The following THAP3 variants were observed in gnomAD, a reference collection of about 807,000 sequenced individuals.
THAP3 encodes THAP domain-containing protein 3.
In THAP3, 12 loss-of-function variants were observed where a neutral mutation model predicts 17.7. The ratio of observed to expected loss-of-function variants is 0.68; its 90% CI spans 0.43 to 1.10. The LOEUF (loss-of-function observed/expected upper bound fraction) is 1.10. Ranked by LOEUF, THAP3 falls within the 50% of genes least tolerant of loss-of-function variation. The pLI, the probability that THAP3 is intolerant of heterozygous loss-of-function variation, is 0.00. For synonymous variants in THAP3, 133 were observed against 126.9 expected, an observed-to-expected ratio of 1.05 and a Z score of -0.32; for missense variants, 289 against 318.0, an observed-to-expected ratio of 0.91 and a Z score of 0.69.
chr1:6,627,352 C>T (rs1641493774), intron 2 of THAP3, among the ~76,000 whole-genome samples: 1 of 152,238 alleles, frequency 6.6e-6, no homozygotes, highest in South Asian at 2.1e-4. Context: ...TCAAATTTAA[C>T]TCCTGACATA....
chr1:6,632,390 G>C lies in THAP3; in HGVS notation c.334-1G>C. 1 of 1,613,594 alleles carries C rather than the reference G, an allele frequency of 6.2e-7. No individual in the cohort carries two copies. The highest frequency in any genetic ancestry group is 8.5e-7 in the Non-Finnish European group (1 of 1,179,928). On this transcript the variant is annotated splice_acceptor_variant, in intron 4 of 5. Coordinates refer to ENST00000054650, the MANE Select transcript of THAP3 (RefSeq NM_001195753.2). LOFTEE classifies it high-confidence loss of function. ...TGCAGACTTCACCCTGCCGTTCCCA[G>C]GTCCTCCCTGAGGCGGGGGCCGGAG...
chr1:6,634,185 T>C, downstream of THAP3: 1 of 1,192,340 alleles, frequency 8.4e-7, no homozygotes, highest in Non-Finnish European at 1.2e-6. Flanking sequence ...TCAGGAAAGG[T>C]TTATTGTGGT....
chr1:6,632,965 G>C lies in THAP3; in HGVS notation c.608G>C (p.Arg203Pro), dbSNP rs1388811902. The C allele has an allele frequency of 1.9e-6, 3 of 1,612,814 alleles. No individual in the cohort carries two copies. In the East Asian group the frequency reaches 6.7e-5, roughly 36 times the overall value. ...FLTLKENEKL[R>P]KRLQAQRLVM... ...ACTCTGAAGGAAAATGAAAAGCTCC[G>C]GAAGCGCTTGCAGGCCCAGAGGCTG... The change falls in exon 6 of 6, where the codon CGG (arginine) becomes CCG (proline). Residue 203 changes from arginine (R) to proline (P), a missense_variant. Arg to Pro is a moderately radical substitution (Grantham distance 103). Coordinates refer to ENST00000054650, the MANE Select transcript of THAP3 (RefSeq NM_001195753.2).
At chr1:6,630,571 C>T (rs1641582159) in intron 4 of THAP3, among the ~76,000 whole-genome samples, 1 of 152,044 alleles carries the variant, frequency 6.6e-6, no homozygotes, top group Admixed American at 6.6e-5. Context: ...GTGCCTGATT[C>T]CCTTTTTCTT....
intron 2 of THAP3, among the ~76,000 whole-genome samples, chr1:6,626,845 C>CA (rs1175114837): frequency 1.3e-5 from 2 of 152,184 alleles, no homozygotes; most frequent in Non-Finnish European, 2.9e-5. Context: ...GACTCCGTCT[C>CA]AAAAAACAAA....
intron 4 of THAP3, among the ~76,000 whole-genome samples, chr1:6,632,009 T>C (rs1235875806): frequency 6.8e-6 from 1 of 146,884 alleles, no homozygotes; most frequent in Non-Finnish European, 1.5e-5. Context: ...ATCATGCCAC[T>C]GCACTCCAGC....
At position 6,625,405 on chromosome 1, in the gene THAP3, G is replaced by A. The variant is rs569419400; in HGVS notation, c.74+113G>A. On this transcript the variant is annotated intron_variant, in intron 2 of 5. Coordinates refer to ENST00000054650, the MANE Select transcript of THAP3 (RefSeq NM_001195753.2). The stretch of plus-strand genomic sequence containing the variant: ...CCAAAGGCGTGCGGCCGCTGGGCCC[G>A]GGGACAGGCCGAGGTCCTGGGCCCA... The A allele has an allele frequency of 3.4e-5, 34 of 1,008,272 alleles. No individual in the cohort carries two copies. In the Admixed American group the frequency reaches 1.2e-3, roughly 37 times the overall value. The allele number at this position is 1,008,272 out of a possible 1,614,324, so 62.5% of individuals were successfully genotyped here. A position where few individuals can be genotyped will look rare whatever the true frequency, so the allele number is the denominator to read the frequency against.
chr1:6,633,931 C>T (rs567560976), downstream of THAP3: 88 of 1,217,272 alleles, frequency 7.2e-5, 1 homozygote, highest in South Asian at 1.1e-3. Context: ...AAAAAACTGA[C>T]TTCCTATTTT....
rs755454422 is a variant in THAP3 at position 6,625,230 on chromosome 1, G to C, written c.12G>C (p.Ser4=). 1.9e-6 allele frequency: 3 copies of C among 1,543,596 alleles called. No homozygotes were observed. Among genetic ancestry groups the C allele is most frequent in the East Asian group, 2.5e-5 (1 of 40,238 alleles). Residue 4 remains serine (S), a synonymous_variant, in exon 2 of 6, where the codon TCG becomes TCC. Transcript: ENST00000054650. ...AGGCCTGGCTCGAGATGCCGAAGTC[G>C]TGCGCGGCCCGGCAGTGCTGCAACC... The part of the protein sequence containing the change: MPK[S]CAARQCCNRY...
In THAP3 at chr1:6,629,307, C is replaced by T. The variant is rs150721577; in HGVS notation, c.267+616C>T. ...GGCGGGACAAGCCACAGGCCAGCAG[C>T]TCCCTGCATTGGTGGATTTATGGGG... is the stretch of plus-strand genomic sequence containing the variant. On this transcript the variant is annotated intron_variant, in intron 3 of 5. Transcript: ENST00000054650. Among the ~76,000 whole-genome samples, 3 of 152,310 alleles carry T rather than the reference C, an allele frequency of 2.0e-5. No individual in the cohort carries two copies. In the East Asian group the frequency reaches 5.8e-4, roughly 29 times the overall value.
intron 4 of THAP3, among the ~76,000 whole-genome samples, chr1:6,631,357 G>T (rs1401427375): frequency 6.6e-6 from 1 of 152,178 alleles, no homozygotes; most frequent in Admixed American, 6.5e-5. Flanking sequence ...GCCGGGCGAG[G>T]TGGCTCACGC....
At chr1:6,632,294 C>T (rs1286696195) in intron 4 of THAP3, 97 bp from the exon 5 acceptor site, 4 of 1,537,160 alleles carry the variant, frequency 2.6e-6, no homozygotes, top group Middle Eastern at 2.2e-4. Flanking sequence ...GGAGCTGGTC[C>T]CTGGCTGTTG....
chr1:6,632,227 A>AT, intron 4 of THAP3, 164 bp from the exon 5 acceptor site: 3 of 839,214 alleles, frequency 3.6e-6, no homozygotes, highest in Non-Finnish European at 3.6e-6. Context: ...AAAAAAAAAA[A>AT]GTTCAGTTCC....
chr1:6,629,117 T>G (rs1974075), intron 3 of THAP3, among the ~76,000 whole-genome samples: 103,111 of 152,064 alleles, frequency 0.68, 35,270 homozygotes, highest in Middle Eastern at 0.8. Flanking sequence ...CAGGAGAATC[T>G]CTTGAACCGG....
At chr1:6,625,339 C>T (rs1452268757) in intron 2 of THAP3, 47 bp downstream of exon 2, 2 of 1,491,542 alleles carry the variant, frequency 1.3e-6, no homozygotes, top group Non-Finnish European at 8.9e-7. Flanking sequence ...ACCCGGGGCC[C>T]GCGGACCGAC....
downstream of THAP3, chr1:6,634,112 G>C: frequency 6.2e-7 from 1 of 1,605,910 alleles, no homozygotes; most frequent in African/African-American, 1.3e-5. Flanking sequence ...GGCCTCTGGG[G>C]AAGGGGTTCC....
intron 2 of THAP3, among the ~76,000 whole-genome samples, chr1:6,625,797 C>A (rs1398300094): frequency 1.3e-5 from 2 of 152,080 alleles, no homozygotes; most frequent in Non-Finnish European, 2.9e-5. Context: ...GTCACAGTTG[C>A]GCTTTCTCCA....
rs34754396 is a variant in THAP3, at chr1:6,628,518, G to C, written c.94G>C (p.Glu32Gln). 6.1e-5 allele frequency: 98 copies of C among 1,613,282 alleles called. No individual in the cohort carries two copies. The African/African-American group carries it at 1.1e-3, about 18-fold the overall frequency. ...CCTTAGGTTTCCGTTCAGCCGCCCG[G>C]AGCTGCTGAAGGAATGGGTGCTGAA... ...TFHRFPFSRPELLKEWVLNIG... is the reference protein window; with the variant it reads ...TFHRFPFSRPQLLKEWVLNIG... Residue 32 changes from glutamate to glutamine, a missense_variant, in exon 3 of 6, where the codon GAG (glutamate) becomes CAG (glutamine). Glu to Gln is a conservative substitution (Grantham distance 29). Transcript: ENST00000054650.
chr1:6,625,603 C>T (rs1641446961), intron 2 of THAP3, among the ~76,000 whole-genome samples: 1 of 134,256 alleles, frequency 7.4e-6, no homozygotes, highest in Admixed American at 7.2e-5. Context: ...GCTGCAGCCC[C>T]CGCCGCGCGC....
Sources: gnomAD v4.1 joint callset for allele counts (sites outside exome capture counted in the v4.1 genomes callset) on GRCh38, gnomAD v4.1.1 for gene constraint, MANE v1.5 for transcripts, NCBI Gene and HGNC (gene_info 2026-07-23, HGNC 2026-07-21) for gene names.